The following EML1 variants were observed in gnomAD, a reference collection of about 807,000 sequenced individuals.
The protein encoded by EML1 is EMAP like 1, also known as echinoderm microtubule-associated protein-like 1.
Under a neutral mutation model 110.4 loss-of-function variants are expected in EML1, and 27 were observed. The observed-to-expected ratio is 0.24, with a 90% confidence interval of 0.18 to 0.34. EML1 has a LOEUF of 0.34. Ranked by LOEUF, EML1 falls within the 10% of genes least tolerant of loss-of-function variation. The probability of loss-of-function intolerance (pLI) is 1.00; values close to 1 mark genes in which losing one functional copy is unlikely to be tolerated. For synonymous variants in EML1, 344 were observed against 385.8 expected, an observed-to-expected ratio of 0.89 and a Z score of 1.27; for missense variants, 741 against 1,030.9, an observed-to-expected ratio of 0.72 and a Z score of 3.85.
chr14:99,843,774 G>A (rs1039065224), intron 1 of EML1, among the ~76,000 whole-genome samples: 6 of 152,154 alleles, frequency 3.9e-5, no homozygotes, highest in South Asian at 2.1e-4. Flanking sequence ...CCTGCCTTCC[G>A]CCTGAGGCCA....
At chr14:99,812,417 A>C (rs904673872) in intron 1 of EML1, among the ~76,000 whole-genome samples, 8 of 151,936 alleles carry the variant, frequency 5.3e-5, no homozygotes, top group African/African-American at 1.9e-4. Flanking sequence ...GGTAGATGCC[A>C]GGCAGCATCC....
chr14:99,766,489 C>T (rs1031844121), intron 1 of EML1, among the ~76,000 whole-genome samples: 2 of 152,066 alleles, frequency 1.3e-5, no homozygotes, highest in Non-Finnish European at 2.9e-5. Context: ...CCACCATGTC[C>T]GGCCTAATTT....
chr14:99,920,725 C>T lies in EML1; in HGVS notation c.1821-64C>T, dbSNP rs1465716788. 6 of 1,290,570 alleles carry T rather than the reference C, an allele frequency of 4.6e-6. No individual in the cohort carries two copies. The African/African-American group carries it at 9.0e-5, about 19-fold the overall frequency. 79.9% of individuals were successfully genotyped at this position (1,290,570 alleles called of 1,614,324 possible). A position where few individuals can be genotyped will look rare whatever the true frequency, so the allele number is the denominator to read the frequency against. ...TGATTAACAATTTTTATTCATCCCA[C>T]TATTATATAATCTTCATTTTCTTAT... On this transcript the variant is annotated intron_variant, in intron 16 of 21. Coordinates refer to ENST00000262233, the MANE Select transcript of EML1 (RefSeq NM_004434.3).
intron 1 of EML1, among the ~76,000 whole-genome samples, chr14:99,804,908 G>A (rs1301207650): frequency 6.6e-6 from 1 of 152,186 alleles, no homozygotes; most frequent in African/African-American, 2.4e-5. Flanking sequence ...CTTGCCACCT[G>A]CTTCCCTGAC....
At chr14:99,937,630 G>A (rs1358066019) in intron 19 of EML1, among the ~76,000 whole-genome samples, 187 bp from the exon 20 acceptor site, 1 of 152,144 alleles carries the variant, frequency 6.6e-6, no homozygotes, top group Non-Finnish European at 1.5e-5. Flanking sequence ...AGGCCCATGG[G>A]CTCGGGCTCA....
At chr14:99,805,193 C>T (rs1163527429) in intron 1 of EML1, among the ~76,000 whole-genome samples, 2 of 152,204 alleles carry the variant, frequency 1.3e-5, no homozygotes, top group Admixed American at 6.5e-5. Flanking sequence ...TCCACTTAAC[C>T]GACCAGACCA....
At chr14:99,858,477 A>G (rs1566902172) in intron 2 of EML1, among the ~76,000 whole-genome samples, 1 of 152,038 alleles carries the variant, frequency 6.6e-6, no homozygotes, top group Non-Finnish European at 1.5e-5. Flanking sequence ...GAGCCACCGC[A>G]CCCAGCCTCC....
intron 7 of EML1, among the ~76,000 whole-genome samples, chr14:99,897,997 A>G (rs891310173): frequency 1.2e-4 from 18 of 152,206 alleles, no homozygotes; most frequent in East Asian, 1.9e-4. Flanking sequence ...TTCCCAGCAG[A>G]GGATGCTTTT....
intron 1 of EML1, among the ~76,000 whole-genome samples, chr14:99,751,734 T>C (rs756142104): frequency 2.0e-5 from 3 of 151,392 alleles, no homozygotes; most frequent in African/African-American, 7.3e-5. Flanking sequence ...GAGTTGAGAG[T>C]GTCTGGTCTT....
intron 1 of EML1, among the ~76,000 whole-genome samples, chr14:99,805,391 C>T (rs1427029047): frequency 6.6e-6 from 1 of 152,226 alleles, no homozygotes; most frequent in Non-Finnish European, 1.5e-5. Flanking sequence ...TGAAACTCTT[C>T]CGTCTTTCTG....
At chr14:99,857,858 T>A (rs939265165) in intron 2 of EML1, among the ~76,000 whole-genome samples, 8 of 152,222 alleles carry the variant, frequency 5.3e-5, no homozygotes. Context: ...TGAAATCAGT[T>A]CATTAATGTC....
At chr14:99,900,605 C>G (rs1165460180) in intron 8 of EML1, among the ~76,000 whole-genome samples, 1 of 152,180 alleles carries the variant, frequency 6.6e-6, no homozygotes, top group African/African-American at 2.4e-5. Flanking sequence ...TTTTACTTGT[C>G]ATTTTTCATT....
chr14:99,755,599 G>A (rs1029152142), intron 1 of EML1, among the ~76,000 whole-genome samples: 16 of 152,166 alleles, frequency 1.1e-4, no homozygotes, highest in African/African-American at 3.6e-4. Context: ...TTCCTGTCCC[G>A]GCTGTGGACT....
intron 8 of EML1, chr14:99,899,407 C>G (rs1487173943): frequency 6.6e-6 from 1 of 152,078 alleles, no homozygotes; most frequent in Non-Finnish European, 1.5e-5. Flanking sequence ...CCTCTGCCCC[C>G]ACAGGCTCAA....
chr14:99,765,417 C>T (rs1476403318), intron 1 of EML1, among the ~76,000 whole-genome samples: 1 of 152,066 alleles, frequency 6.6e-6, no homozygotes, highest in African/African-American at 2.4e-5. Flanking sequence ...CACCAATCTA[C>T]TTTCTGTCTC....
chr14:99,765,381 C>G (rs999441134), intron 1 of EML1, among the ~76,000 whole-genome samples: 2 of 152,130 alleles, frequency 1.3e-5, no homozygotes, highest in African/African-American at 4.8e-5. Flanking sequence ...AATAACCTCC[C>G]CCCACCACGC....
intron 1 of EML1, among the ~76,000 whole-genome samples, chr14:99,830,869 G>T (rs948554897): frequency 6.6e-6 from 1 of 152,152 alleles, no homozygotes; most frequent in Non-Finnish European, 1.5e-5. Context: ...ACTTCAAATA[G>T]TACTCAAAGA....
intron 1 of EML1, among the ~76,000 whole-genome samples, chr14:99,746,799 G>T (rs1409314082): frequency 6.6e-6 from 1 of 152,188 alleles, no homozygotes; most frequent in African/African-American, 2.4e-5. Context: ...GGCTGGCATA[G>T]AGCCTTGTCC....
intron 4 of EML1, among the ~76,000 whole-genome samples, chr14:99,887,843 T>G (rs2059508913): frequency 6.6e-6 from 1 of 152,208 alleles, no homozygotes; most frequent in African/African-American, 2.4e-5. Flanking sequence ...AATGTTCTCT[T>G]CTGGTTATCA....
Sources: gnomAD v4.1 joint callset for allele counts (sites outside exome capture counted in the v4.1 genomes callset) on GRCh38, gnomAD v4.1.1 for gene constraint, MANE v1.5 for transcripts, NCBI Gene and HGNC (gene_info 2026-07-23, HGNC 2026-07-21) for gene names.